The following LRP2 variants were observed in gnomAD, a reference collection of about 807,000 sequenced individuals.
LRP2 encodes the protein LDL receptor related protein 2, also known as low-density lipoprotein receptor-related protein 2.
In LRP2, 172 loss-of-function variants were observed where a neutral mutation model predicts 531.0. That is an observed-to-expected ratio of 0.32 (90% CI 0.29 to 0.37). The LOEUF (loss-of-function observed/expected upper bound fraction) is 0.37. Among genes scored for constraint, LRP2 ranks in the 10% least tolerant of loss-of-function variants. LRP2 has a pLI of 1.00. For missense variants in LRP2, 5,167 were observed against 5,868.3 expected (o/e 0.88, Z 3.90); for synonymous variants, 1,992 against 2,027.6 (o/e 0.98, Z 0.47).
At chr2:169,209,678 A>C (rs767235576) in intron 37 of LRP2, 37 bp from the exon 38 acceptor site, 129 of 1,598,818 alleles carry the variant, frequency 8.1e-5, no homozygotes, top group Non-Finnish European at 1.0e-4. Flanking sequence ...AAATGCTGTC[A>C]CTGAAATTAG....
rs1288692479 is a variant in LRP2, at chr2:169,193,902, T to G, written c.8699-10A>C. 2 of 1,614,076 alleles carry G rather than the reference T, an allele frequency of 1.2e-6. No homozygotes were observed. The highest frequency in any genetic ancestry group is 3.3e-5 in the Admixed American group (2 of 60,010). On this transcript the variant is annotated splice_polypyrimidine_tract_variant and intron_variant, in intron 46 of 78. Coordinates refer to ENST00000649046, the MANE Select transcript of LRP2 (RefSeq NM_004525.3). ...GTTCGCTCAGAGTGACCTGAAAAGATCAATAGCATTCTCAGTGAAAAAAAG... is the reference window on the plus strand; with the variant it reads ...GTTCGCTCAGAGTGACCTGAAAAGAGCAATAGCATTCTCAGTGAAAAAAAG...
intron 4 of LRP2, among the ~76,000 whole-genome samples, chr2:169,303,919 T>TA (rs532978337): frequency 1.2e-4 from 18 of 151,638 alleles, no homozygotes; most frequent in South Asian, 4.2e-4. Flanking sequence ...TTTTTTTAAA[T>TA]AAAAAAAAAC....
At chr2:169,296,549 T>C (rs368499399) in intron 4 of LRP2, among the ~76,000 whole-genome samples, 3 of 152,016 alleles carry the variant, frequency 2.0e-5, no homozygotes, top group African/African-American at 4.8e-5. Context: ...CAATGTGTTA[T>C]CTAGCCTTTT....
chr2:169,316,992 A>T (rs1186973168), intron 3 of LRP2, among the ~76,000 whole-genome samples: 2 of 152,174 alleles, frequency 1.3e-5, no homozygotes, highest in African/African-American at 4.8e-5. Flanking sequence ...AAAAGTGCCC[A>T]TTGGCAATCA....
chr2:169,143,414 G>T (rs572616344), intron 70 of LRP2, among the ~76,000 whole-genome samples: 75 of 152,240 alleles, frequency 4.9e-4, no homozygotes, highest in Non-Finnish European at 8.4e-4. Context: ...AGGCCGCTTT[G>T]GGCGGATCAC....
intron 50 of LRP2, among the ~76,000 whole-genome samples, chr2:169,184,048 C>A (rs989796325): frequency 6.6e-6 from 1 of 151,808 alleles, no homozygotes; most frequent in African/African-American, 2.4e-5. Context: ...GTATTTAATT[C>A]TCTTCTGATA....
intron 29 of LRP2, among the ~76,000 whole-genome samples, chr2:169,235,590 C>T (rs551850428): frequency 6.6e-6 from 1 of 152,234 alleles, no homozygotes; most frequent in South Asian, 2.1e-4. Context: ...ATCTGCAGCT[C>T]AACTAAATCA....
intron 3 of LRP2, among the ~76,000 whole-genome samples, chr2:169,318,002 C>T (rs971272804): frequency 2.4e-4 from 36 of 152,108 alleles, no homozygotes; most frequent in South Asian, 8.3e-4. Context: ...ACCTGAGCCC[C>T]GGTGTTTGAG....
chr2:169,328,441 T>TAAAGAAA (rs1685176461), intron 1 of LRP2, among the ~76,000 whole-genome samples: 1 of 49,144 alleles, frequency 2.0e-5, no homozygotes, highest in Non-Finnish European at 4.0e-5. Flanking sequence ...CGGGCCGGGA[T>TAAAGAAA]AAAAAAAAAA....
intron 17 of LRP2, among the ~76,000 whole-genome samples, chr2:169,257,704 T>C (rs1277656706): frequency 6.6e-6 from 1 of 151,958 alleles, no homozygotes; most frequent in Non-Finnish European, 1.5e-5. Context: ...CAGGAAACCA[T>C]TCATCTCAGA....
At chr2:169,261,120 A>T (rs1690530221) in intron 16 of LRP2, among the ~76,000 whole-genome samples, 1 of 152,072 alleles carries the variant, frequency 6.6e-6, no homozygotes, top group Non-Finnish European at 1.5e-5. Flanking sequence ...ACCTTTCAAG[A>T]AACTTGACCA....
At chr2:169,268,923 A>G (rs1375754954) in intron 16 of LRP2, among the ~76,000 whole-genome samples, 19 of 152,182 alleles carry the variant, frequency 1.2e-4, no homozygotes, top group African/African-American at 4.3e-4. Context: ...TACAAAATCA[A>G]TGTGCAAAAA....
At chr2:169,302,128 A>G (rs180775712) in intron 4 of LRP2, among the ~76,000 whole-genome samples, 1 of 152,172 alleles carries the variant, frequency 6.6e-6, no homozygotes, top group East Asian at 1.9e-4. Context: ...CAGAAATAAT[A>G]AAGTGTCATG....
intron 40 of LRP2, 149 bp downstream of exon 40, chr2:169,205,874 G>A (rs370371406): frequency 4.0e-5 from 46 of 1,149,378 alleles, no homozygotes; most frequent in African/African-American, 2.6e-4. Context: ...TCCTTCCCAC[G>A]TAAAATCACT....
At position 169,361,377 on chromosome 2, in the gene LRP2, C is replaced by CTCT. The variant is rs1559092856; in HGVS notation, c.79+943_79+944insAGA. Among the ~76,000 whole-genome samples the CTCT allele has an allele frequency of 4.1e-3, 212 of 52,196 alleles. 4 individuals are homozygous for CTCT. Among genetic ancestry groups the CTCT allele is most frequent in the African/African-American group, 6.1e-3 (57 of 9,402 alleles). The allele number at this position is 52,196 out of a possible 152,430, so 34.2% of individuals were successfully genotyped here. ...CTCTCTCTCTCTCTCTCTCTCTCTC[C>CTCT]CTCTCTCTCTCTCTCTCTGTCTCTC... On this transcript the variant is annotated intron_variant, in intron 1 of 78. Transcript: ENST00000649046.
intron 1 of LRP2, among the ~76,000 whole-genome samples, chr2:169,330,129 G>A (rs532050312): frequency 1.3e-5 from 2 of 152,008 alleles, no homozygotes; most frequent in East Asian, 1.9e-4. Context: ...TGTCTTCCAC[G>A]AAACCAGTCC....
chr2:169,306,740 T>A (rs1684431388), intron 4 of LRP2, among the ~76,000 whole-genome samples: 1 of 152,192 alleles, frequency 6.6e-6, no homozygotes, highest in Non-Finnish European at 1.5e-5. Flanking sequence ...CTTATTTTGG[T>A]GTGGTAATAT....
At chr2:169,238,648 G>C (rs1689693789) in intron 26 of LRP2, among the ~76,000 whole-genome samples, 1 of 151,970 alleles carries the variant, frequency 6.6e-6, no homozygotes, top group Admixed American at 6.5e-5. Flanking sequence ...ATAGGTTGTA[G>C]GCTTCTGGAC....
At chr2:169,199,236 T>C (rs1242875535) in intron 44 of LRP2, among the ~76,000 whole-genome samples, 2 of 152,234 alleles carry the variant, frequency 1.3e-5, no homozygotes, top group Non-Finnish European at 2.9e-5. Flanking sequence ...TGGAGTAATA[T>C]GTAGCTATTA....
Sources: gnomAD v4.1 joint callset for allele counts (sites outside exome capture counted in the v4.1 genomes callset) on GRCh38, gnomAD v4.1.1 for gene constraint, MANE v1.5 for transcripts, NCBI Gene and HGNC (gene_info 2026-07-23, HGNC 2026-07-21) for gene names.